FBXL13: variants seen among roughly 807,000 people sequenced by gnomAD.
FBXL13 encodes F-box and leucine rich repeat protein 13, also known as F-box and leucine-rich repeat protein 13.
A neutral mutation model predicts 83.6 loss-of-function variants in FBXL13; 67 were observed. The observed-to-expected ratio is 0.80, with a 90% confidence interval of 0.66 to 0.98. FBXL13 has a LOEUF of 0.98. Among genes scored for constraint, FBXL13 ranks in the 50% least tolerant of loss-of-function variants. FBXL13 has a pLI of 0.00. For synonymous variants in FBXL13, 272 were observed against 299.5 expected (o/e 0.91, Z 0.95); for missense variants, 822 against 866.5 (o/e 0.95, Z 0.64).
chr7:102,812,916 C>G (rs1196757940), downstream of FBXL13, among the ~76,000 whole-genome samples: 5 of 147,916 alleles, frequency 3.4e-5, no homozygotes, highest in African/African-American at 1.0e-4. Context: ...GATCTAGGCT[C>G]ACTGCAACCT....
chr7:103,015,301 C>G (rs754247749), intron 6 of FBXL13, among the ~76,000 whole-genome samples: 9 of 152,194 alleles, frequency 5.9e-5, no homozygotes, highest in Non-Finnish European at 1.3e-4. Flanking sequence ...GATGCCCTCT[C>G]TCATCACTCC....
chr7:102,966,050 A>G (rs2129480182), intron 7 of FBXL13, among the ~76,000 whole-genome samples: 1 of 152,296 alleles, frequency 6.6e-6, no homozygotes, highest in South Asian at 2.1e-4. Context: ...AAGTTAACTC[A>G]ACATCTTTAC....
At chr7:103,027,636 C>T in intron 4 of FBXL13, 78 bp from the exon 6 acceptor site, 1 of 876,742 alleles carries the variant, frequency 1.1e-6, no homozygotes, top group Non-Finnish European at 1.7e-6. Context: ...ATTTAATAGT[C>T]TATCATGTTT....
intron 7 of FBXL13, among the ~76,000 whole-genome samples, chr7:102,967,270 C>T (rs1189040988): frequency 1.3e-5 from 2 of 148,854 alleles, no homozygotes; most frequent in African/African-American, 5.0e-5. Context: ...TCCTCTCTTT[C>T]TTTTTTTTTT....
At chr7:102,969,306 G>C (rs1210844957) in intron 6 of FBXL13, among the ~76,000 whole-genome samples, 3 of 152,118 alleles carry the variant, frequency 2.0e-5, no homozygotes, top group Non-Finnish European at 4.4e-5. Flanking sequence ...ATGCTGTACA[G>C]GCCTGTAGTC....
chr7:102,902,137 T>A (rs1813041930), intron 11 of FBXL13, among the ~76,000 whole-genome samples: 1 of 152,184 alleles, frequency 6.6e-6, no homozygotes, highest in Non-Finnish European at 1.5e-5. Context: ...TTAACGGGGG[T>A]AAGATGATAT....
chr7:102,993,272 G>C (rs1454968814), intron 6 of FBXL13, among the ~76,000 whole-genome samples: 1 of 152,158 alleles, frequency 6.6e-6, no homozygotes, highest in Admixed American at 6.5e-5. Flanking sequence ...TAATCAAACA[G>C]GCCTGAACCA....
rs527732907 is a variant in FBXL13 at position 102,900,582 on chromosome 7, G to A, written c.1008+12504C>T. On this transcript the variant is annotated intron_variant, in intron 11 of 19. Coordinates refer to ENST00000313221, the Ensembl canonical transcript of FBXL13. Reference sequence around the variant, plus strand: ...CTATTTTTGTACTACACCCAGAGCTGAAGAGGTAGATAGAGCCTCCTCAAA... The same window carrying A: ...CTATTTTTGTACTACACCCAGAGCTAAAGAGGTAGATAGAGCCTCCTCAAA... Among the ~76,000 whole-genome samples the A allele has an allele frequency of 1.4e-4, 21 of 152,304 alleles. No homozygotes were observed. In the South Asian group the frequency reaches 3.9e-3, roughly 29 times the overall value.
intron 6 of FBXL13, among the ~76,000 whole-genome samples, chr7:102,989,251 A>G (rs892518324): frequency 1.3e-5 from 2 of 152,242 alleles, no homozygotes; most frequent in Admixed American, 1.3e-4. Flanking sequence ...ACTAGAAACA[A>G]AAGATAATGA....
chr7:102,963,785 A>T lies in FBXL13; in HGVS notation c.592-120T>A, dbSNP rs1585157189. The T allele has an allele frequency of 3.2e-6, 3 of 925,296 alleles. No homozygotes were observed. The South Asian group carries it at 5.9e-5, about 18-fold the overall frequency. The allele number at this position is 925,296 out of a possible 1,614,324, so 57.3% of individuals were successfully genotyped here. On this transcript the variant is annotated intron_variant, in intron 7 of 19. Coordinates refer to ENST00000313221, the Ensembl canonical transcript of FBXL13. ...TAAAGAGCTTCTGTACAGCAAAAGA[A>T]ACTATCAATAGAGAAGACAGACAAC...
intron 16 of FBXL13, among the ~76,000 whole-genome samples, chr7:102,872,096 T>A (rs891513722): frequency 1.3e-5 from 2 of 152,190 alleles, no homozygotes; most frequent in African/African-American, 2.4e-5. Flanking sequence ...TATAGTGTAT[T>A]CTAGCAGGAC....
At chr7:102,876,327 G>T (rs1468530403) in intron 16 of FBXL13, among the ~76,000 whole-genome samples, 2 of 152,160 alleles carry the variant, frequency 1.3e-5, no homozygotes, top group Non-Finnish European at 2.9e-5. Context: ...AGCTTGGACA[G>T]AAGACAACAT....
chr7:102,946,082 ATGT>A (rs1472774914), intron 8 of FBXL13, among the ~76,000 whole-genome samples: 2 of 152,164 alleles, frequency 1.3e-5, no homozygotes, highest in Non-Finnish European at 1.5e-5. Context: ...AGGTTTCACC[ATGT>A]TGGTCAGGCT....
chr7:102,934,267 T>C (rs935371032), intron 8 of FBXL13: 1 of 1,614,038 alleles, frequency 6.2e-7, no homozygotes, highest in African/African-American at 1.3e-5. Context: ...ATGAGATCTC[T>C]AAAATTGAGA....
chr7:103,074,011 C>T (rs528594056), intron 1 of FBXL13, among the ~76,000 whole-genome samples: 1 of 152,282 alleles, frequency 6.6e-6, no homozygotes, highest in South Asian at 2.1e-4. Flanking sequence ...TCTCAGCTTC[C>T]TACCCCCAAA....
chr7:103,045,073 C>A (rs1232995716), intron 2 of FBXL13, among the ~76,000 whole-genome samples: 1 of 152,214 alleles, frequency 6.6e-6, no homozygotes, highest in African/African-American at 2.4e-5. Context: ...CAGAGAGACT[C>A]CAGTGCAGCC....
At chr7:102,953,365 A>G (rs914621500) in intron 8 of FBXL13, among the ~76,000 whole-genome samples, 6 of 152,154 alleles carry the variant, frequency 3.9e-5, no homozygotes, top group African/African-American at 1.2e-4. Flanking sequence ...GACGAAAAAA[A>G]AAATCAATCA....
At chr7:102,858,205 A>G (rs1806306067) in intron 16 of FBXL13, among the ~76,000 whole-genome samples, 1 of 152,248 alleles carries the variant, frequency 6.6e-6, no homozygotes, top group Non-Finnish European at 1.5e-5. Context: ...AAGCACAGAA[A>G]GATAAATACC....
At chr7:102,865,539 T>C (rs1045214431) in intron 16 of FBXL13, among the ~76,000 whole-genome samples, 4 of 151,978 alleles carry the variant, frequency 2.6e-5, no homozygotes, top group African/African-American at 9.7e-5. Context: ...TTTTGTTTGA[T>C]TGTTTGTTTT....
Sources: allele counts gnomAD v4.1 joint callset (sites outside exome capture counted in the v4.1 genomes callset), GRCh38; gene constraint gnomAD v4.1.1; transcripts MANE v1.5; gene names NCBI Gene and HGNC (gene_info 2026-07-23, HGNC 2026-07-21).